Variants in MED13 observed in about 807,000 individuals in gnomAD.
The protein encoded by MED13 is mediator of RNA polymerase II transcription subunit 13.
Under a neutral mutation model 225.2 loss-of-function variants are expected in MED13, and 23 were observed. That is an observed-to-expected ratio of 0.10 (90% confidence interval 0.07 to 0.14). The LOEUF (loss-of-function observed/expected upper bound fraction) is 0.14. Ranked by LOEUF, MED13 falls within the 10% of genes least tolerant of loss-of-function variation. The pLI is 1.00. For missense variants in MED13, 2,197 were observed against 2,594.5 expected, an observed-to-expected ratio of 0.85 and a Z score of 3.33; for synonymous variants, 942 against 889.2, an observed-to-expected ratio of 1.06 and a Z score of -1.06.
rs1390837659 is a variant in MED13 at position 61,987,119 on chromosome 17, C to T, written c.2273G>A (p.Arg758His). Reference sequence around the variant, plus strand: ...TGGAGGACGGGCATGACTAGTAGGGCGTGGAGCATCTACAAAAGTCAATCA... The same window carrying T: ...TGGAGGACGGGCATGACTAGTAGGGTGTGGAGCATCTACAAAAGTCAATCA... ...FSPSIKQDAP[R>H]PTSHARPPST... Residue 758 changes from arginine to histidine, a missense_variant, in exon 12 of 30, where the codon CGC (arginine) becomes CAC (histidine). By Grantham distance (29) the Arg-to-His change is conservative. Coordinates refer to ENST00000397786, the MANE Select transcript of MED13 (RefSeq NM_005121.3). The T allele has an allele frequency of 1.9e-6, 3 of 1,594,362 alleles. No individual in the cohort carries two copies. The highest frequency in any genetic ancestry group is 2.6e-6 in the Non-Finnish European group (3 of 1,172,392).
At chr17:62,058,725 G>A (rs1462552237) in intron 2 of MED13, among the ~76,000 whole-genome samples, 1 of 152,044 alleles carries the variant, frequency 6.6e-6, no homozygotes, top group Non-Finnish European at 1.5e-5. Flanking sequence ...TAACCTTCTG[G>A]AATGTTATAG....
intron 3 of MED13, among the ~76,000 whole-genome samples, chr17:62,039,007 T>C (rs2080829843): frequency 6.6e-6 from 1 of 152,096 alleles, no homozygotes; most frequent in Non-Finnish European, 1.5e-5. Context: ...AAAATAAAAT[T>C]TGGCTTCTTG....
intron 3 of MED13, among the ~76,000 whole-genome samples, chr17:62,050,647 C>A (rs2080948875): frequency 6.6e-6 from 1 of 152,182 alleles, no homozygotes; most frequent in South Asian, 2.1e-4. Flanking sequence ...TTCATTGGGG[C>A]TCAGGATTGC....
intron 9 of MED13, 39 bp from the exon 10 acceptor site, chr17:61,995,404 A>T: frequency 6.8e-7 from 1 of 1,466,232 alleles, no homozygotes; most frequent in Non-Finnish European, 9.2e-7. Context: ...TATCCACATA[A>T]GCATTAAAAA....
At chr17:62,056,669 G>A (rs1481559307) in intron 2 of MED13, among the ~76,000 whole-genome samples, 5 of 152,108 alleles carry the variant, frequency 3.3e-5, no homozygotes, top group South Asian at 2.1e-4. Context: ...GCTGAGGTGG[G>A]AGGATTGCTT....
intron 23 of MED13, among the ~76,000 whole-genome samples, chr17:61,957,898 T>C (rs1357838841): frequency 2.6e-5 from 4 of 152,184 alleles, no homozygotes; most frequent in African/African-American, 9.6e-5. Flanking sequence ...GGAGTCTCAC[T>C]CTGTCACTCA....
chr17:61,944,913 A>G lies in MED13; in HGVS notation c.*1555T>C, dbSNP rs922222123. ...TTTCAAGGGGGTACAGCCTGCATAA[A>G]AGCAGTTATCTTGGCATGTGCAAAC... is the stretch of plus-strand genomic sequence containing the variant. On this transcript the variant is annotated 3_prime_UTR_variant, in exon 30 of 30. Transcript: ENST00000397786. The G allele has an allele frequency of 6.6e-6, 1 of 152,604 alleles. No homozygotes were observed. Among genetic ancestry groups the G allele is most frequent in the African/African-American group, 2.4e-5 (1 of 41,434 alleles). 9.5% of individuals were successfully genotyped at this position (152,604 alleles called of 1,614,324 possible).
chr17:61,953,839 T>C (rs554970060), intron 26 of MED13, among the ~76,000 whole-genome samples: 1 of 152,306 alleles, frequency 6.6e-6, no homozygotes, highest in South Asian at 2.1e-4. Flanking sequence ...TTCCCCCTTA[T>C]CCATGGGGAA....
At chr17:62,014,303 TA>T (rs2080540513) in intron 8 of MED13, among the ~76,000 whole-genome samples, 1 of 134,446 alleles carries the variant, frequency 7.4e-6, no homozygotes, top group African/African-American at 3.0e-5. Flanking sequence ...AAGTTCTGTA[TA>T]TGTTTTTATA....
At chr17:62,031,692 T>C in intron 5 of MED13, 54 bp from the exon 6 acceptor site, 3 of 1,213,758 alleles carry the variant, frequency 2.5e-6, no homozygotes, top group Non-Finnish European at 3.3e-6. Context: ...ACTAGTGAAT[T>C]AGTTTCACTC....
chr17:61,961,242 A>G, intron 22 of MED13, 152 bp from the exon 23 acceptor site: 2 of 765,638 alleles, frequency 2.6e-6, no homozygotes, highest in South Asian at 3.8e-5. Context: ...TATCATAAAA[A>G]TGTTGGCAGG....
At chr17:62,062,267 T>C (rs1042434882) in intron 2 of MED13, among the ~76,000 whole-genome samples, 6 of 152,220 alleles carry the variant, frequency 3.9e-5, no homozygotes, top group Non-Finnish European at 8.8e-5. Context: ...ATTCAGTTAA[T>C]ACTGACTTTC....
intron 12 of MED13, among the ~76,000 whole-genome samples, chr17:61,986,506 T>C (rs1295933201): frequency 6.6e-6 from 1 of 152,206 alleles, no homozygotes; most frequent in African/African-American, 2.4e-5. Flanking sequence ...GTGTTAAAGA[T>C]TAAATATTAT....
intron 3 of MED13, chr17:62,036,989 T>C (rs2080809244): frequency 6.6e-6 from 1 of 152,248 alleles, no homozygotes; most frequent in Non-Finnish European, 1.5e-5. Context: ...CCAGGCACAG[T>C]GGCTCACATC....
intron 8 of MED13, among the ~76,000 whole-genome samples, chr17:62,026,483 A>T (rs1285059551): frequency 6.6e-6 from 1 of 151,668 alleles, no homozygotes; most frequent in African/African-American, 2.4e-5. Flanking sequence ...ATCATTAAAA[A>T]AAAAAAAAAA....
chr17:61,969,462 G>A (rs920900035), intron 17 of MED13, among the ~76,000 whole-genome samples: 7 of 152,054 alleles, frequency 4.6e-5, no homozygotes, highest in Non-Finnish European at 7.4e-5. Context: ...GATTACTTGA[G>A]CCCAGGAGTT....
intron 6 of MED13, chr17:62,030,486 T>TGG (rs1468391195): frequency 6.6e-6 from 1 of 152,512 alleles, no homozygotes; most frequent in Admixed American, 6.5e-5. Context: ...CACATCAAGG[T>TGG]GGGGTTTGGA....
At chr17:61,986,842 C>A (rs2080252000) in intron 12 of MED13, among the ~76,000 whole-genome samples, 165 bp downstream of exon 12, 1 of 152,134 alleles carries the variant, frequency 6.6e-6, no homozygotes, top group South Asian at 2.1e-4. Context: ...CAAGACTACT[C>A]AAACATGAGA....
chr17:61,972,681 G>A, intron 17 of MED13, 46 bp downstream of exon 17: 3 of 1,471,312 alleles, frequency 2.0e-6, no homozygotes, highest in Non-Finnish European at 9.1e-7. Flanking sequence ...AGAAATCTGA[G>A]GACTGATATA....
Sources: gnomAD v4.1 joint callset for allele counts (sites outside exome capture counted in the v4.1 genomes callset) on GRCh38, gnomAD v4.1.1 for gene constraint, MANE v1.5 for transcripts, NCBI Gene and HGNC (gene_info 2026-07-23, HGNC 2026-07-21) for gene names.